The following ARPP21 variants were observed in gnomAD, a reference collection of about 807,000 sequenced individuals.
The protein encoded by ARPP21 is cAMP regulated phosphoprotein 21, also known as cAMP-regulated phosphoprotein 21.
A neutral mutation model predicts 113.2 loss-of-function variants in ARPP21; 69 were observed. The observed-to-expected ratio is 0.61, with a 90% CI of 0.50 to 0.74. ARPP21 has a LOEUF of 0.74. Ranked by LOEUF, ARPP21 falls within the 30% of genes least tolerant of loss-of-function variation. The probability of loss-of-function intolerance (pLI) is 0.00; values close to 1 mark genes in which losing one functional copy is unlikely to be tolerated. For synonymous variants in ARPP21, 368 were observed against 375.5 expected (o/e 0.98, Z 0.23); for missense variants, 1,070 against 1,037.4 (o/e 1.03, Z -0.43).
intron 19 of ARPP21, among the ~76,000 whole-genome samples, chr3:35,769,333 T>G (rs1016920960): frequency 2.0e-5 from 3 of 152,162 alleles, no homozygotes; most frequent in Non-Finnish European, 4.4e-5. Flanking sequence ...CACTCTTGCC[T>G]GGAACACCTA....
intron 1 of ARPP21, among the ~76,000 whole-genome samples, chr3:35,665,749 T>C (rs1462198556): frequency 6.6e-6 from 1 of 152,208 alleles, no homozygotes; most frequent in Non-Finnish European, 1.5e-5. Context: ...CCCTATTCCA[T>C]TTTGTAAAAA....
chr3:35,733,024 C>A (rs989863503), intron 15 of ARPP21, among the ~76,000 whole-genome samples: 5 of 152,104 alleles, frequency 3.3e-5, no homozygotes, highest in South Asian at 2.1e-4. Flanking sequence ...AAAAGAAAAT[C>A]TCTTTCTCTC....
rs372289881 is a variant in ARPP21 at position 35,691,017 on chromosome 3, C to T, written c.686+12C>T. 127 of 1,597,242 alleles carry T rather than the reference C, an allele frequency of 8.0e-5. No individual in the cohort carries two copies. In the African/African-American group the frequency reaches 1.2e-3, roughly 14 times the overall value. On this transcript the variant is annotated intron_variant, in intron 9 of 20. Coordinates refer to ENST00000684406, the MANE Select transcript of ARPP21 (RefSeq NM_001385562.1). ...AGCAGCACCAGAATGTAAGCCCCATCACTGTACTTATTTAGCATTTTCTTT... is the reference window on the plus strand; with the variant it reads ...AGCAGCACCAGAATGTAAGCCCCATTACTGTACTTATTTAGCATTTTCTTT...
At chr3:35,741,352 C>A (rs2094645051) in intron 18 of ARPP21, among the ~76,000 whole-genome samples, 1 of 152,064 alleles carries the variant, frequency 6.6e-6, no homozygotes, top group African/African-American at 2.4e-5. Flanking sequence ...TGAAGAATCA[C>A]AGATAAAGGT....
intron 9 of ARPP21, 32 bp from the exon 10 acceptor site, chr3:35,706,940 ACT>A: frequency 6.5e-7 from 1 of 1,543,250 alleles, no homozygotes; most frequent in Non-Finnish European, 8.8e-7. Flanking sequence ...AGGGGGAAAA[ACT>A]TTTTTATTGA....
intron 11 of ARPP21, among the ~76,000 whole-genome samples, chr3:35,711,668 AG>A (rs2091172331): frequency 6.6e-6 from 1 of 152,148 alleles, no homozygotes. Context: ...AGTCATCTGA[AG>A]GCTTGATCAA....
intron 11 of ARPP21, among the ~76,000 whole-genome samples, chr3:35,713,300 A>C (rs2091720830): frequency 6.6e-6 from 1 of 152,144 alleles, no homozygotes; most frequent in African/African-American, 2.4e-5. Context: ...AACTGTATCT[A>C]TCTTATTTAT....
At chr3:35,764,439 C>T (rs2095881770) in intron 19 of ARPP21, among the ~76,000 whole-genome samples, 1 of 151,960 alleles carries the variant, frequency 6.6e-6, no homozygotes, top group South Asian at 2.1e-4. Flanking sequence ...GGTTTTTTTC[C>T]TCCAAGTATT....
chr3:35,738,500 C>G (rs1032562261), intron 17 of ARPP21, among the ~76,000 whole-genome samples, 182 bp downstream of exon 17: 3 of 152,184 alleles, frequency 2.0e-5, no homozygotes, highest in Non-Finnish European at 4.4e-5. Context: ...GGTTTCCTTT[C>G]TGTCATCTGT....
At chr3:35,766,228 A>G (rs955609913) in intron 19 of ARPP21, among the ~76,000 whole-genome samples, 6 of 152,176 alleles carry the variant, frequency 3.9e-5, no homozygotes, top group Admixed American at 3.9e-4. Flanking sequence ...CATTTGGTTA[A>G]ATACAGCCAC....
intron 19 of ARPP21, among the ~76,000 whole-genome samples, chr3:35,761,679 G>T (rs967023000): frequency 5.9e-5 from 9 of 152,100 alleles, no homozygotes; most frequent in Non-Finnish European, 1.2e-4. Context: ...ATTATTCAAT[G>T]GTGAAAAGTG....
chr3:35,723,426 T>G (rs1015400651), intron 14 of ARPP21, among the ~76,000 whole-genome samples: 2 of 152,206 alleles, frequency 1.3e-5, no homozygotes, highest in African/African-American at 4.8e-5. Flanking sequence ...GGGTTCACAC[T>G]GCCTTTCTGC....
At chr3:35,684,071 A>C (rs764889992) in intron 5 of ARPP21, 2 of 1,592,234 alleles carry the variant, frequency 1.3e-6, no homozygotes, top group South Asian at 2.3e-5. Context: ...TTAGATTAAA[A>C]GTTAAATAAA....
chr3:35,748,067 G>GAAGGAAGAAAGAAAGAAAGA (rs1180382135), intron 19 of ARPP21, among the ~76,000 whole-genome samples: 8 of 86,958 alleles, frequency 9.2e-5, no homozygotes, highest in South Asian at 4.4e-4. Context: ...AAGAAGGAAG[G>GAAGGAAGAAAGAAAGAAAGA]AAGAAAGAAA....
chr3:35,679,613 T>C (rs1352897109), intron 1 of ARPP21, 174 bp from the exon 2 acceptor site: 1 of 151,854 alleles, frequency 6.6e-6, no homozygotes, highest in Non-Finnish European at 1.5e-5. Context: ...CAGCCGGCTG[T>C]AGCCTTCATT....
rs112512066 is a variant in ARPP21 at position 35,676,932 on chromosome 3, A to G, written c.-212-2855A>G. ...ATCTATGTGGCAATTTGACAAATCA[A>G]TCATCACCCCAATATACAAGTGGTT... is the stretch of plus-strand genomic sequence containing the variant. On this transcript the variant is annotated intron_variant, in intron 1 of 20. Transcript: ENST00000684406. 4.3e-3 allele frequency among the ~76,000 whole-genome samples: 651 copies of G among 152,058 alleles called. 6 individuals are homozygous for G. Among genetic ancestry groups the G allele is most frequent in the African/African-American group, 0.015 (619 of 41,546 alleles).
intron 1 of ARPP21, among the ~76,000 whole-genome samples, chr3:35,653,174 C>T (rs1298822031): frequency 2.0e-5 from 3 of 151,940 alleles, no homozygotes; most frequent in Admixed American, 6.6e-5. Flanking sequence ...ACTTTGTGTG[C>T]CTATGTAATG....
chr3:35,690,906 G>T lies in ARPP21; in HGVS notation c.587G>T (p.Arg196Met). 6.2e-7 allele frequency: 1 copy of T among 1,610,600 alleles called. No individual in the cohort carries two copies. The highest frequency in any genetic ancestry group is 8.5e-7 in the Non-Finnish European group (1 of 1,177,894). ...TTCCCTCAGATGTCATCGTATCAGA[G>T]GATGCTTGTCCATCGAGTGGCAGCT... ...KKFPQMSSYQ[R>M]MLVHRVAAYF... The change falls in exon 9 of 21, where the codon AGG becomes ATG. Residue 196 changes from arginine to methionine, a missense_variant. By Grantham distance (91) the Arg-to-Met change is moderately conservative (BLOSUM62 -1). Coordinates refer to ENST00000684406, the MANE Select transcript of ARPP21 (RefSeq NM_001385562.1).
At chr3:35,793,627 A>C (rs931778652) in intron 20 of ARPP21, 74 bp from the exon 21 acceptor site, 15 of 988,526 alleles carry the variant, frequency 1.5e-5, no homozygotes, top group Non-Finnish European at 2.4e-5. Context: ...AATATTTTTC[A>C]TGACACCATG....
Sources: gnomAD v4.1 joint callset for allele counts (sites outside exome capture counted in the v4.1 genomes callset) on GRCh38, gnomAD v4.1.1 for gene constraint, MANE v1.5 for transcripts, NCBI Gene and HGNC (gene_info 2026-07-23, HGNC 2026-07-21) for gene names.